ZNF521: variants seen among roughly 807,000 people sequenced by gnomAD.
ZNF521 encodes the protein LYST-interacting protein 3.
Under a neutral mutation model 105.5 loss-of-function variants are expected in ZNF521, and 14 were observed. The ratio of observed to expected loss-of-function variants is 0.13; its 90% CI spans 0.09 to 0.21. The LOEUF (loss-of-function observed/expected upper bound fraction) is 0.21. Among genes scored for constraint, ZNF521 ranks in the 10% least tolerant of loss-of-function variants. The pLI is 1.00. For missense variants in ZNF521, 1,233 were observed against 1,629.7 expected (o/e 0.76, Z 4.19); for synonymous variants, 635 against 606.0 (o/e 1.05, Z -0.70).
chr18:25,323,099 T>C (rs1363471158), intron 2 of ZNF521, among the ~76,000 whole-genome samples: 1 of 151,392 alleles, frequency 6.6e-6, no homozygotes, highest in Non-Finnish European at 1.5e-5. Context: ...AAAGGAACTG[T>C]GTGGGGAGGG....
chr18:25,109,586 C>T (rs2034143439), intron 5 of ZNF521, among the ~76,000 whole-genome samples: 1 of 152,276 alleles, frequency 6.6e-6, no homozygotes, highest in African/African-American at 2.4e-5. Flanking sequence ...TAAGTGTTCC[C>T]TTTTCTCTGC....
At chr18:25,116,862 T>C (rs982037648) in intron 5 of ZNF521, among the ~76,000 whole-genome samples, 3 of 87,844 alleles carry the variant, frequency 3.4e-5, no homozygotes, top group Non-Finnish European at 4.7e-5. Context: ...CTGTTACATA[T>C]ATATATACGT....
At position 25,308,162 on chromosome 18, in the gene ZNF521, A is replaced by G. The variant is rs1912082633; in HGVS notation, c.220+13846T>C. On this transcript the variant is annotated intron_variant, in intron 3 of 7. Transcript: ENST00000361524. ...GGTTGCAATGAGCTGAGATCACGCC[A>G]TTGCACTCCAGCCTGGGCAAGACTG... Among the ~76,000 whole-genome samples, 3 of 134,814 alleles carry G rather than the reference A, an allele frequency of 2.2e-5. No individual in the cohort carries two copies. In the Admixed American group the frequency reaches 2.6e-4, roughly 11 times the overall value. The allele number at this position is 134,814 out of a possible 152,430, so 88.4% of individuals were successfully genotyped here.
intron 5 of ZNF521, among the ~76,000 whole-genome samples, chr18:25,158,802 A>G (rs1412372322): frequency 6.6e-6 from 1 of 152,042 alleles, no homozygotes; most frequent in East Asian, 1.9e-4. Context: ...CTAAAAATAC[A>G]AAAAATTAGC....
chr18:25,062,773 A>AAAAAAAAAAAAAG, intron 7 of ZNF521, 32 bp from the exon 8 acceptor site: 5 of 1,438,638 alleles, frequency 3.5e-6, no homozygotes, highest in African/African-American at 1.5e-5. Flanking sequence ...AAAAAAAAAA[A>AAAAAAAAAAAAAG]AAAAAAAAAA....
At chr18:25,174,082 T>G (rs190670316) in intron 5 of ZNF521, among the ~76,000 whole-genome samples, 12 of 152,346 alleles carry the variant, frequency 7.9e-5, no homozygotes, top group African/African-American at 2.9e-4. Flanking sequence ...GAATTCTTTT[T>G]TTTAAATGAA....
intron 3 of ZNF521, among the ~76,000 whole-genome samples, chr18:25,245,302 A>G (rs1212433274): frequency 1.3e-5 from 2 of 152,202 alleles, no homozygotes; most frequent in East Asian, 1.9e-4. Context: ...AGCAAAATTG[A>G]GCAGAAAGTA....
At chr18:25,151,335 T>C (rs1470204746) in intron 5 of ZNF521, among the ~76,000 whole-genome samples, 2 of 152,212 alleles carry the variant, frequency 1.3e-5, no homozygotes, top group Non-Finnish European at 2.9e-5. Flanking sequence ...TTGATAAACC[T>C]TCTTTGACCC....
rs188824643 is a variant in ZNF521, at chr18:25,249,646, G to A, written c.221-21949C>T. Among the ~76,000 whole-genome samples, 345 of 152,106 alleles carry A rather than the reference G, an allele frequency of 2.3e-3. 3 individuals carry two copies. The highest frequency in any genetic ancestry group is 1.6e-3 in the Non-Finnish European group (112 of 68,004). ...CCAGCTAATTTTTGTGCCTTTAGTA[G>A]AGATGGGGTTTTGCCATGTTGGCCA... On this transcript the variant is annotated intron_variant, in intron 3 of 7. Coordinates refer to ENST00000361524, the MANE Select transcript of ZNF521 (RefSeq NM_015461.3).
intron 2 of ZNF521, among the ~76,000 whole-genome samples, chr18:25,325,942 G>C (rs1481556722): frequency 6.6e-6 from 1 of 152,030 alleles, no homozygotes; most frequent in Non-Finnish European, 1.5e-5. Flanking sequence ...AATTGTTATT[G>C]CTATAACTTG....
intron 3 of ZNF521, among the ~76,000 whole-genome samples, chr18:25,314,825 A>T (rs1449688977): frequency 6.6e-6 from 1 of 152,250 alleles, no homozygotes; most frequent in African/African-American, 2.4e-5. Flanking sequence ...AGCAGGAGAG[A>T]AGAGAAAAAT....
Position 25,134,147 on chromosome 18 carries a change from T to C in ZNF521, c.3659-42066A>G, listed in dbSNP as rs189045028. Among the ~76,000 whole-genome samples, 516 of 152,230 alleles carry C rather than the reference T, an allele frequency of 3.4e-3. 3 individuals carry two copies. The highest frequency in any genetic ancestry group is 0.012 in the African/African-American group (494 of 41,526). On this transcript the variant is annotated intron_variant, in intron 5 of 7. Transcript: ENST00000361524. ...ACAGGAAGCTGCCTTACCTCTTGTA[T>C]CCTAACAGACGGAATTTTAAAGAAC...
chr18:25,313,630 G>A (rs768292496), intron 3 of ZNF521, among the ~76,000 whole-genome samples: 13 of 152,000 alleles, frequency 8.6e-5, no homozygotes, highest in Non-Finnish European at 1.8e-4. Context: ...ATTTTTTTCA[G>A]TTTTAACAGC....
chr18:25,327,224 C>A (rs944512737), intron 2 of ZNF521, among the ~76,000 whole-genome samples: 2 of 152,152 alleles, frequency 1.3e-5, no homozygotes, highest in Non-Finnish European at 2.9e-5. Flanking sequence ...GGCATTATAA[C>A]CCATGTCACA....
At chr18:25,119,762 T>C (rs1258835481) in intron 5 of ZNF521, among the ~76,000 whole-genome samples, 2 of 151,760 alleles carry the variant, frequency 1.3e-5, no homozygotes, top group African/African-American at 2.4e-5. Flanking sequence ...AGTTTTACCT[T>C]AAGAAGCTAG....
At chr18:25,255,491 T>C (rs949648321) in intron 3 of ZNF521, among the ~76,000 whole-genome samples, 11 of 152,152 alleles carry the variant, frequency 7.2e-5, no homozygotes, top group African/African-American at 2.7e-4. Context: ...ATGTAGTAAC[T>C]GAATGTATTT....
intron 5 of ZNF521, among the ~76,000 whole-genome samples, chr18:25,134,297 T>C (rs2034693275): frequency 6.6e-6 from 1 of 152,114 alleles, no homozygotes; most frequent in African/African-American, 2.4e-5. Flanking sequence ...TCTAGATCTT[T>C]TGATGTAATG....
rs1019905762 is a variant in ZNF521, at chr18:25,079,945, C to A, written c.3906+9520G>T. On this transcript the variant is annotated intron_variant, in intron 7 of 7. Coordinates refer to ENST00000361524, the MANE Select transcript of ZNF521 (RefSeq NM_015461.3). ...AGGCACACAAGCTTAGCAGATGTGC[C>A]CAGTGGTGTAAGACAGACAATTATA... 3.1e-4 allele frequency among the ~76,000 whole-genome samples: 47 copies of A among 152,228 alleles called. 1 individual carries two copies. The highest frequency in any genetic ancestry group is 1.1e-3 in the African/African-American group (45 of 41,538).
intron 5 of ZNF521, among the ~76,000 whole-genome samples, chr18:25,093,361 T>C (rs1024316389): frequency 5.9e-5 from 9 of 152,094 alleles, no homozygotes; most frequent in Non-Finnish European, 1.2e-4. Flanking sequence ...CTATTAGCAA[T>C]GATTAAAAAA....
Sources: gnomAD v4.1 joint callset for allele counts (sites outside exome capture counted in the v4.1 genomes callset) on GRCh38, gnomAD v4.1.1 for gene constraint, MANE v1.5 for transcripts, NCBI Gene and HGNC (gene_info 2026-07-23, HGNC 2026-07-21) for gene names.